The following CCDC171 variants were observed in gnomAD, a reference collection of about 807,000 sequenced individuals.
CCDC171 encodes the protein coiled-coil domain containing 171.
CCDC171 carries 177 observed loss-of-function variants against 168.2 expected under a neutral mutation model. The ratio of observed to expected loss-of-function variants is 1.05; its 90% CI spans 0.93 to 1.19. CCDC171 has a LOEUF of 1.19. Ranked by LOEUF, CCDC171 falls within the 50% of genes most tolerant of loss-of-function variation. CCDC171 has a pLI of 0.00. For missense variants in CCDC171, 1,991 were observed against 1,539.0 expected (o/e 1.29, Z -4.91); for synonymous variants, 687 against 540.8 (o/e 1.27, Z -3.75).
the CCDC171 span, among the ~76,000 whole-genome samples, chr9:16,101,191 C>G: frequency 6.6e-6 from 1 of 152,220 alleles, no homozygotes; most frequent in African/African-American, 2.4e-5. Flanking sequence ...CCAGTCTCTG[C>G]CTTTCAGCAG....
chr9:15,600,671 AG>A (rs2042772440), intron 6 of CCDC171, among the ~76,000 whole-genome samples: 2 of 152,202 alleles, frequency 1.3e-5, no homozygotes, highest in South Asian at 4.1e-4. Flanking sequence ...GCTGTCAGAC[AG>A]GGACATTTAA....
At chr9:15,689,064 C>G (rs1178930890) in intron 10 of CCDC171, among the ~76,000 whole-genome samples, 2 of 152,098 alleles carry the variant, frequency 1.3e-5, no homozygotes, top group African/African-American at 4.8e-5. Flanking sequence ...ATTTCTGTAA[C>G]TAGCAATGAG....
intron 11 of CCDC171, among the ~76,000 whole-genome samples, chr9:15,707,392 T>C (rs946794102): frequency 1.2e-4 from 18 of 152,246 alleles, no homozygotes; most frequent in Non-Finnish European, 2.6e-4. Context: ...TTGGTTACGA[T>C]TTGATAACAA....
chr9:15,794,939 T>C (rs1372521843), intron 21 of CCDC171, among the ~76,000 whole-genome samples: 1 of 152,244 alleles, frequency 6.6e-6, no homozygotes, highest in African/African-American at 2.4e-5. Flanking sequence ...TCTCCTACTG[T>C]CATCACTTTC....
At chr9:15,985,466 G>T (rs886073939) in intron 3 of CCDC171, among the ~76,000 whole-genome samples, 1 of 152,064 alleles carries the variant, frequency 6.6e-6, no homozygotes, top group African/African-American at 2.4e-5. Flanking sequence ...CATTTGTCCT[G>T]GTAGCTAGGC....
At chr9:15,970,835 A>G (rs527707378) in intron 25 of CCDC171, among the ~76,000 whole-genome samples, 2 of 152,336 alleles carry the variant, frequency 1.3e-5, no homozygotes, top group African/African-American at 4.8e-5. Flanking sequence ...AGATGGAAAC[A>G]ATAGAGACTG....
chr9:16,040,132 C>A (rs1833548793), upstream of CCDC171, among the ~76,000 whole-genome samples: 1 of 152,140 alleles, frequency 6.6e-6, no homozygotes, highest in Non-Finnish European at 1.5e-5. Context: ...TACCCCCTCA[C>A]TCCACAGTCC....
At chr9:16,094,503 C>A in the CCDC171 span, among the ~76,000 whole-genome samples, 1 of 152,014 alleles carries the variant, frequency 6.6e-6, no homozygotes, top group Non-Finnish European at 1.5e-5. Context: ...AACCTGATGA[C>A]CAATTTGATG....
At chr9:16,012,212 C>T (rs1186294560) in intron 3 of CCDC171, among the ~76,000 whole-genome samples, 2 of 152,164 alleles carry the variant, frequency 1.3e-5, no homozygotes, top group Non-Finnish European at 2.9e-5. Flanking sequence ...GTCCACTTTG[C>T]TCCCATGGCC....
At chr9:15,962,867 A>G (rs192360644) in intron 25 of CCDC171, among the ~76,000 whole-genome samples, 195 of 151,156 alleles carry the variant, frequency 1.3e-3, no homozygotes, top group Middle Eastern at 7.0e-3. Flanking sequence ...ATGTGTGTTT[A>G]TGCTTATTTT....
intron 3 of CCDC171, among the ~76,000 whole-genome samples, chr9:15,997,853 C>T (rs1374306292): frequency 6.6e-6 from 1 of 152,158 alleles, no homozygotes; most frequent in Admixed American, 6.5e-5. Context: ...CCAGGTTTAA[C>T]ACGTATCCTT....
the CCDC171 span, among the ~76,000 whole-genome samples, chr9:16,093,427 C>G: frequency 1.3e-5 from 2 of 152,294 alleles, no homozygotes; most frequent in South Asian, 4.1e-4. Context: ...CCATTTCTAT[C>G]TGATTCATTT....
At chr9:15,678,652 C>A in intron 9 of CCDC171, 106 bp from the exon 10 acceptor site, 1 of 860,340 alleles carries the variant, frequency 1.2e-6, no homozygotes. Context: ...AGTCTTTTAG[C>A]ATGAACACAT....
At chr9:16,042,454 C>T (rs566631328), upstream of CCDC171, among the ~76,000 whole-genome samples, 53 of 152,166 alleles carry the variant, frequency 3.5e-4, 1 homozygote, top group Admixed American at 1.3e-3. Flanking sequence ...TGATTGAAGG[C>T]GTTTTGCTCC....
rs1481146497 is a variant in CCDC171 at position 15,784,580 on chromosome 9, G to A, written c.3153G>A (p.Gln1051=). The change falls in exon 21 of 26, where the codon CAG becomes CAA. Residue 1051 remains glutamine, a synonymous_variant. Transcript: ENST00000380701. ...ELNNALLREE[Q]AQMLLNEQAQ... ...ATAATGCATTACTTCGGGAAGAGCA[G>A]GCACAAATGCTATTGAATGAACAGG... The A allele has an allele frequency of 2.5e-6, 4 of 1,613,108 alleles. No individual in the cohort carries two copies. The highest frequency in any genetic ancestry group is 3.4e-6 in the Non-Finnish European group (4 of 1,179,446).
chr9:16,027,040 A>G (rs1390342510), intron 6 of CCDC171, among the ~76,000 whole-genome samples: 2 of 152,166 alleles, frequency 1.3e-5, no homozygotes, highest in African/African-American at 2.4e-5. Flanking sequence ...ATGCCTTGAT[A>G]TTGCACTTGG....
the CCDC171 span, among the ~76,000 whole-genome samples, chr9:16,096,288 G>A: frequency 1.3e-5 from 2 of 152,104 alleles, no homozygotes; most frequent in African/African-American, 4.8e-5. Flanking sequence ...AAGGAAAATG[G>A]AACAAGGATT....
chr9:15,699,793 A>G (rs544336655), intron 11 of CCDC171, among the ~76,000 whole-genome samples: 1 of 152,202 alleles, frequency 6.6e-6, no homozygotes, highest in Non-Finnish European at 1.5e-5. Context: ...CCAAGGTCCC[A>G]CCAGAGTAGC....
At chr9:15,820,375 C>A (rs1390911740) in intron 21 of CCDC171, among the ~76,000 whole-genome samples, 1 of 114,590 alleles carries the variant, frequency 8.7e-6, no homozygotes, top group Non-Finnish European at 1.9e-5. Context: ...GCACAAAAAA[C>A]CCTTCAAAAA....
Sources: allele counts gnomAD v4.1 joint callset (sites outside exome capture counted in the v4.1 genomes callset), GRCh38; gene constraint gnomAD v4.1.1; transcripts MANE v1.5; gene names NCBI Gene and HGNC (gene_info 2026-07-23, HGNC 2026-07-21).